The following SLC9C1 variants were observed in gnomAD, a reference collection of about 807,000 sequenced individuals.
SLC9C1 encodes solute carrier family 9 member C1.
Under a neutral mutation model 140.9 loss-of-function variants are expected in SLC9C1, and 97 were observed. That is an observed-to-expected ratio of 0.69 (90% CI 0.58 to 0.82). The LOEUF (loss-of-function observed/expected upper bound fraction) is 0.82, where lower values mean the gene tolerates loss of function less well. SLC9C1 is among the 40% of genes least tolerant of loss of function. SLC9C1 has a pLI of 0.00. For synonymous variants in SLC9C1, 440 were observed against 442.6 expected, an observed-to-expected ratio of 0.99 and a Z score of 0.07; for missense variants, 1,340 against 1,389.3, an observed-to-expected ratio of 0.96 and a Z score of 0.56.
chr3:112,146,099 G>A (rs889420658), intron 28 of SLC9C1, among the ~76,000 whole-genome samples: 2 of 152,066 alleles, frequency 1.3e-5, no homozygotes, highest in African/African-American at 4.8e-5. Flanking sequence ...TTTCTAGTTT[G>A]TGTATGTAGA....
At chr3:112,220,214 G>A (rs1021819810) in intron 14 of SLC9C1, among the ~76,000 whole-genome samples, 1 of 152,088 alleles carries the variant, frequency 6.6e-6, no homozygotes, top group African/African-American at 2.4e-5. Context: ...TGTATGACTA[G>A]GCTTAAAATG....
chr3:112,150,748 T>A (rs1289472176), intron 28 of SLC9C1, among the ~76,000 whole-genome samples: 2 of 143,788 alleles, frequency 1.4e-5, no homozygotes, highest in African/African-American at 5.1e-5. Flanking sequence ...TATATATATA[T>A]AAAATATATA....
At chr3:112,202,892 T>A (rs948054197) in intron 17 of SLC9C1, among the ~76,000 whole-genome samples, 2 of 151,974 alleles carry the variant, frequency 1.3e-5, no homozygotes, top group African/African-American at 2.4e-5. Flanking sequence ...GTCTCCAGGT[T>A]ATCAGCTACC....
intron 26 of SLC9C1, among the ~76,000 whole-genome samples, chr3:112,164,255 G>A (rs2075396778): frequency 6.7e-6 from 1 of 149,722 alleles, no homozygotes; most frequent in Admixed American, 6.6e-5. Flanking sequence ...TTTAATTGGA[G>A]CACTTAGTCC....
intron 10 of SLC9C1, 23 bp downstream of exon 10, chr3:112,262,901 T>A (rs1161337485): frequency 1.3e-6 from 2 of 1,535,750 alleles, no homozygotes; most frequent in East Asian, 2.4e-5. Flanking sequence ...AATATTCAGA[T>A]AAGAAAATAC....
Position 112,280,586 on chromosome 3 carries a change from G to C in SLC9C1, c.189+97C>G. 5.2e-6 allele frequency: 5 copies of C among 964,600 alleles called. No homozygotes were observed. The South Asian group carries it at 6.9e-5, about 13-fold the overall frequency. The allele number at this position is 964,600 out of a possible 1,614,324, so 59.8% of individuals were successfully genotyped here. A position where few individuals can be genotyped will look rare whatever the true frequency, so the allele number is the denominator to read the frequency against. ...CAATCATCTATCAACTGGCAGAACAGTGAGGGGATGAATAACTTTTGCAAA... is the reference window on the plus strand; with the variant it reads ...CAATCATCTATCAACTGGCAGAACACTGAGGGGATGAATAACTTTTGCAAA... On this transcript the variant is annotated intron_variant, in intron 3 of 28. Transcript: ENST00000305815.
Position 112,141,269 on chromosome 3 carries a change from G to T in SLC9C1, c.*3C>A, listed in dbSNP as rs74836755. ...AATACATGCTTCGGTCTTCTTAACA[G>T]TCTTACTCTTTCCTAATAGAAGCGG... On this transcript the variant is annotated 3_prime_UTR_variant, in exon 29 of 29. Transcript: ENST00000305815. The T allele has an allele frequency of 0.019, 29,694 of 1,581,764 alleles. 356 individuals are homozygous for T. Among genetic ancestry groups the T allele is most frequent in the South Asian group, 0.029 (2,459 of 86,094 alleles).
intron 20 of SLC9C1, among the ~76,000 whole-genome samples, chr3:112,186,786 A>G (rs1047193764): frequency 5.3e-5 from 8 of 152,224 alleles, no homozygotes; most frequent in African/African-American, 1.9e-4. Context: ...AAGAGTCCAG[A>G]AACTTATCCA....
At chr3:112,159,780 C>T (rs561068666) in intron 26 of SLC9C1, among the ~76,000 whole-genome samples, 4 of 151,990 alleles carry the variant, frequency 2.6e-5, no homozygotes, top group African/African-American at 7.2e-5. Context: ...GTTATATCCT[C>T]TTGTTTAATT....
chr3:112,207,513 C>T (rs12493824), intron 16 of SLC9C1, among the ~76,000 whole-genome samples: 69,010 of 151,812 alleles, frequency 0.45, 16,165 homozygotes, highest in East Asian at 0.63. Context: ...TCTCTTCCCT[C>T]ATTTTCCACA....
Position 112,252,319 on chromosome 3 carries a change from C to T in SLC9C1, c.1198-8243G>A, listed in dbSNP as rs557598466. Among the ~76,000 whole-genome samples, 10 of 152,212 alleles carry T rather than the reference C, an allele frequency of 6.6e-5. No homozygotes were observed. The East Asian group carries it at 1.9e-3, about 29-fold the overall frequency. The stretch of plus-strand genomic sequence containing the variant: ...AGTTCTCTTCCCCAGGCAGAATTTC[C>T]TGACCACAGTCTATGACCACCCCCA... On this transcript the variant is annotated intron_variant, in intron 10 of 28. Transcript: ENST00000305815.
chr3:112,187,172 T>C (rs577070835), intron 20 of SLC9C1, among the ~76,000 whole-genome samples: 1 of 152,326 alleles, frequency 6.6e-6, no homozygotes, highest in Non-Finnish European at 1.5e-5. Context: ...GTGCAAGTTA[T>C]TTAATCTCTC....
chr3:112,214,233 C>A (rs1365216354), intron 15 of SLC9C1, among the ~76,000 whole-genome samples: 2 of 152,174 alleles, frequency 1.3e-5, no homozygotes, highest in Non-Finnish European at 2.9e-5. Flanking sequence ...ATTTGTAGCA[C>A]TAAATGCCCA....
At chr3:112,288,666 G>A (rs2080590327) in intron 1 of SLC9C1, among the ~76,000 whole-genome samples, 1 of 152,150 alleles carries the variant, frequency 6.6e-6, no homozygotes, top group African/African-American at 2.4e-5. Context: ...AGGGGGTGGT[G>A]GGACATTGTT....
chr3:112,277,706 A>G lies in SLC9C1; in HGVS notation c.473T>C (p.Ile158Thr). 1 of 1,586,770 alleles carries G rather than the reference A, an allele frequency of 6.3e-7. No individual in the cohort carries two copies. Among genetic ancestry groups the G allele is most frequent in the Non-Finnish European group, 8.5e-7 (1 of 1,169,806 alleles). Residue 158 changes from isoleucine to threonine, a missense_variant, in exon 5 of 29, where the codon ATA becomes ACA. Physicochemically the swap from Ile to Thr is moderately conservative, Grantham distance 89. Coordinates refer to ENST00000305815, the MANE Select transcript of SLC9C1 (RefSeq NM_183061.3). ...AACAATATACCTACCAAGGTCTCTT[A>G]TAGCAGCTGCGGTTAGCATGGGATC... ...SSDPMLTAAA[I>T]RDLGLSRSLI... is the part of the protein sequence containing the mutation.
At chr3:112,183,344 C>CTTTTT (rs1159788975) in intron 20 of SLC9C1, among the ~76,000 whole-genome samples, 15 of 20,964 alleles carry the variant, frequency 7.2e-4, no homozygotes, top group Non-Finnish European at 1.1e-3. Flanking sequence ...TATTTAGCAC[C>CTTTTT]TTTTCTTTTT....
chr3:112,228,815 G>C (rs564627869), intron 13 of SLC9C1, among the ~76,000 whole-genome samples: 1 of 152,026 alleles, frequency 6.6e-6, no homozygotes, highest in Non-Finnish European at 1.5e-5. Context: ...GGAAATGAAA[G>C]TCAAAACCAT....
At chr3:112,176,576 T>G (rs2077341065) in intron 23 of SLC9C1, among the ~76,000 whole-genome samples, 1 of 152,244 alleles carries the variant, frequency 6.6e-6, no homozygotes, top group African/African-American at 2.4e-5. Flanking sequence ...GATCACAATT[T>G]CATGCTTCTT....
chr3:112,232,977 C>T (rs963625583), intron 12 of SLC9C1, among the ~76,000 whole-genome samples: 1 of 150,768 alleles, frequency 6.6e-6, no homozygotes, highest in African/African-American at 2.4e-5. Context: ...AGACCCCTGA[C>T]CCCTCCCAAT....
Sources: gnomAD v4.1 joint callset for allele counts (sites outside exome capture counted in the v4.1 genomes callset) on GRCh38, gnomAD v4.1.1 for gene constraint, MANE v1.5 for transcripts, NCBI Gene and HGNC (gene_info 2026-07-23, HGNC 2026-07-21) for gene names.